KCTD1: variants seen among roughly 807,000 people sequenced by gnomAD.
KCTD1 encodes potassium channel tetramerization domain containing 1, also known as BTB/POZ domain-containing protein KCTD1.
In KCTD1, 24 loss-of-function variants were observed where a neutral mutation model predicts 66.0. The ratio of observed to expected loss-of-function variants is 0.36; its 90% CI spans 0.26 to 0.51. KCTD1 has a LOEUF of 0.51. Ranked by LOEUF, KCTD1 falls within the 20% of genes least tolerant of loss-of-function variation. The pLI is 0.95. For synonymous variants in KCTD1, 511 were observed against 517.2 expected (o/e 0.99, Z 0.16); for missense variants, 943 against 1,205.2 (o/e 0.78, Z 3.22).
chr18:26,508,068 A>T (rs1272616270), intron 1 of KCTD1, among the ~76,000 whole-genome samples: 3 of 152,232 alleles, frequency 2.0e-5, no homozygotes, highest in African/African-American at 7.2e-5. Flanking sequence ...GTGAAATAAC[A>T]CTTATTTTTA....
chr18:26,550,476 G>A, upstream of KCTD1, among the ~76,000 whole-genome samples: 1 of 151,904 alleles, frequency 6.6e-6, no homozygotes, highest in East Asian at 1.9e-4. The surrounding 1 kb of genome is among the most constrained non-coding windows in gnomAD (Gnocchi z 5.4). Context: ...CCCGAGCTTC[G>A]GGGAAACCGC....
chr18:26,600,047 C>A, intron 1 of KCTD1: 6 of 1,611,246 alleles, frequency 3.7e-6, no homozygotes, highest in Non-Finnish European at 5.1e-6. Flanking sequence ...CTCATTGACT[C>A]AGATGAGCTG....
intron 3 of KCTD1, 149 bp from the exon 4 acceptor site, chr18:26,460,074 G>T: frequency 1.6e-6 from 1 of 625,156 alleles, no homozygotes; most frequent in Non-Finnish European, 2.8e-6. Flanking sequence ...GTTTGTAGAG[G>T]CTCAATTTGC....
Position 26,462,472 on chromosome 18 carries a change from G to A in KCTD1, c.2134-2547C>T, listed in dbSNP as rs555378858. On this transcript the variant is annotated intron_variant, in intron 3 of 4. Coordinates refer to ENST00000580059, the MANE Select transcript of KCTD1 (RefSeq NM_001142730.3). ...CAGAGTAGAGCCACTGCTATGTCACGGGGAGCAGATGACAGAGAACAGCTG... is the reference window on the plus strand; with the variant it reads ...CAGAGTAGAGCCACTGCTATGTCACAGGGAGCAGATGACAGAGAACAGCTG... 2.0e-4 allele frequency among the ~76,000 whole-genome samples: 31 copies of A among 152,256 alleles called. 1 individual carries two copies. The East Asian group carries it at 2.3e-3, about 11-fold the overall frequency.
In KCTD1 at chr18:26,524,425, A is replaced by G. The variant is rs1270676190; in HGVS notation, c.1809+22303T>C. Among the ~76,000 whole-genome samples, 5 of 152,234 alleles carry G rather than the reference A, an allele frequency of 3.3e-5. No individual in the cohort carries two copies. The East Asian group carries it at 9.6e-4, about 29-fold the overall frequency. On this transcript the variant is annotated intron_variant, in intron 1 of 4. Coordinates refer to ENST00000580059, the MANE Select transcript of KCTD1 (RefSeq NM_001142730.3). ...TTCGAAACACTCTGTCTTTACAGATAGAATTAGCTCACTTTAACTGTATGT... is the reference window on the plus strand; with the variant it reads ...TTCGAAACACTCTGTCTTTACAGATGGAATTAGCTCACTTTAACTGTATGT...
At chr18:26,529,599 T>C (rs1243544910) in intron 1 of KCTD1, among the ~76,000 whole-genome samples, 1 of 152,184 alleles carries the variant, frequency 6.6e-6, no homozygotes, top group Non-Finnish European at 1.5e-5. Context: ...AACTAACCGT[T>C]GAAGAAAAGT....
chr18:26,578,536 C>T (rs962888039), intron 1 of KCTD1, among the ~76,000 whole-genome samples: 16 of 152,220 alleles, frequency 1.1e-4, no homozygotes, highest in Admixed American at 8.5e-4. Flanking sequence ...TAGCAAAGTA[C>T]GTGCCATGTA....
At chr18:26,651,799 A>AAAAAAAAGAAGAAG (rs764181233) in intron 1 of KCTD1, among the ~76,000 whole-genome samples, 2 of 117,116 alleles carry the variant, frequency 1.7e-5, no homozygotes, top group African/African-American at 3.6e-5. Flanking sequence ...AAAAAAAAAA[A>AAAAAAAAGAAGAAG]AAGAAGAAGA....
In KCTD1 at chr18:26,547,611, T is replaced by G; in HGVS notation, c.926A>C (p.Lys309Thr). The G allele has an allele frequency of 6.4e-7, 1 of 1,551,410 alleles. No individual in the cohort carries two copies. Among genetic ancestry groups the G allele is most frequent in the Non-Finnish European group, 8.7e-7 (1 of 1,146,832 alleles). ...GTACATGCACGTCTCGAACCAGACC[T>G]TGTTGAGCAGCCCGAAGGGCGTGTT... ...STNTPFGLLN[K>T]VWFETCMYFC... Residue 309 changes from lysine (K) to threonine (T), a missense_variant, in exon 1 of 5, where the codon AAG becomes ACG. Around this residue, in one of 10 missense-constraint regions of KCTD1, gnomAD observed 61 missense variants for 109.6 expected, o/e 0.56. Coordinates refer to ENST00000580059, the MANE Select transcript of KCTD1 (RefSeq NM_001142730.3).
At chr18:26,603,110 C>T (rs764054120) in intron 1 of KCTD1, among the ~76,000 whole-genome samples, 6 of 152,092 alleles carry the variant, frequency 3.9e-5, no homozygotes, top group Non-Finnish European at 7.4e-5. Flanking sequence ...ATAGCATATA[C>T]AAAAATCAAC....
chr18:26,583,795 G>A (rs893672176), intron 1 of KCTD1, among the ~76,000 whole-genome samples: 3 of 152,308 alleles, frequency 2.0e-5, no homozygotes, highest in Middle Eastern at 3.4e-3. Context: ...TTTAAGAAAA[G>A]TTGTCCAACT....
chr18:26,641,092 A>T (rs191856343), upstream of KCTD1, among the ~76,000 whole-genome samples: 87 of 152,196 alleles, frequency 5.7e-4, no homozygotes, highest in Admixed American at 3.1e-3. Context: ...AGTTCATCTC[A>T]CTGTCCCAGC....
chr18:26,652,243 C>T (rs1185670095), intron 1 of KCTD1, among the ~76,000 whole-genome samples: 1 of 152,148 alleles, frequency 6.6e-6, no homozygotes, highest in African/African-American at 2.4e-5. Flanking sequence ...AGAGAGATGA[C>T]ATCGTTCCCA....
At chr18:26,549,354 C>T (rs1041598872), upstream of KCTD1, 3 of 985,418 alleles carry the variant, frequency 3.0e-6, no homozygotes, top group African/African-American at 1.7e-5. Flanking sequence ...TCCCTTTCGA[C>T]TTTTCCAACA....
At chr18:26,549,607 C>T (rs559869246), upstream of KCTD1, 174 of 808,480 alleles carry the variant, frequency 2.2e-4, no homozygotes, top group African/African-American at 3.0e-3. Flanking sequence ...GCGAGGCGCT[C>T]CACCAAGCTG....
intron 1 of KCTD1, among the ~76,000 whole-genome samples, chr18:26,537,885 G>A (rs1389384588): frequency 6.6e-6 from 1 of 152,182 alleles, no homozygotes; most frequent in Non-Finnish European, 1.5e-5. Context: ...CTGTGAATGT[G>A]CTGTAGCCTG....
intron 1 of KCTD1, among the ~76,000 whole-genome samples, chr18:26,646,802 C>A (rs1400823115): frequency 6.6e-6 from 1 of 152,124 alleles, no homozygotes; most frequent in Non-Finnish European, 1.5e-5. Context: ...TAGAAACATT[C>A]TGTTTCTAAT....
chr18:26,513,139 G>C (rs1435572611), intron 1 of KCTD1, among the ~76,000 whole-genome samples: 4 of 149,504 alleles, frequency 2.7e-5, no homozygotes, highest in Admixed American at 6.7e-5. Context: ...CCAGGCTGGA[G>C]TGCAATGGCG....
intron 1 of KCTD1, among the ~76,000 whole-genome samples, chr18:26,647,985 G>A (rs1019009122): frequency 3.9e-5 from 6 of 152,078 alleles, no homozygotes; most frequent in Non-Finnish European, 7.4e-5. Context: ...TGGGATTACA[G>A]GCGTGCACCA....
Sources: allele counts gnomAD v4.1 joint callset (sites outside exome capture counted in the v4.1 genomes callset), GRCh38; gene constraint gnomAD v4.1.1; regional missense constraint gnomAD v4.1.1; non-coding constraint Gnocchi (gnomAD v3.1); transcripts MANE v1.5; gene names NCBI Gene and HGNC (gene_info 2026-07-23, HGNC 2026-07-21).